The following PTH2R variants were observed in gnomAD, a reference collection of about 807,000 sequenced individuals.
PTH2R encodes the protein parathyroid hormone 2 receptor, also known as PTH2 receptor.
A neutral mutation model predicts 60.3 loss-of-function variants in PTH2R; 59 were observed. The observed-to-expected ratio is 0.98, with a 90% CI of 0.79 to 1.22. The LOEUF (loss-of-function observed/expected upper bound fraction) is 1.22, where lower values mean the gene tolerates loss of function less well. PTH2R is among the 50% of genes most tolerant of loss of function. The pLI is 0.00. For synonymous variants in PTH2R, 256 were observed against 243.8 expected (o/e 1.05, Z -0.47); for missense variants, 749 against 682.6 (o/e 1.10, Z -1.08).
chr2:208,489,453 G>A (rs1703353544), intron 11 of PTH2R, among the ~76,000 whole-genome samples: 2 of 152,086 alleles, frequency 1.3e-5, no homozygotes, highest in Non-Finnish European at 2.9e-5. Flanking sequence ...GAGGACCTCT[G>A]CTTGTGTGTA....
In PTH2R at chr2:208,372,128, G is replaced by A. The variant is rs144003096; in HGVS notation, c.-259+11891G>A. 6.0e-3 allele frequency among the ~76,000 whole-genome samples: 908 copies of A among 152,092 alleles called. 18 individuals carry two copies. The highest frequency in any genetic ancestry group is 0.021 in the African/African-American group (851 of 41,408). ...AGTAGAGATGGGGTTTCACCATGTTGGCCAGACTAGTCTCGAATTCCTAAC... is the reference window on the plus strand; with the variant it reads ...AGTAGAGATGGGGTTTCACCATGTTAGCCAGACTAGTCTCGAATTCCTAAC... On this transcript the variant is annotated intron_variant, in intron 1 of 12. Coordinates refer to the PTH2R transcript ENST00000617735.
At chr2:208,478,680 C>T (rs779050312) in intron 9 of PTH2R, among the ~76,000 whole-genome samples, 6 of 152,158 alleles carry the variant, frequency 3.9e-5, no homozygotes, top group Non-Finnish European at 5.9e-5. Flanking sequence ...ATCAATCCTG[C>T]TCTTAAATTT....
chr2:208,446,634 T>G (rs1341373721), intron 7 of PTH2R, among the ~76,000 whole-genome samples: 3 of 152,208 alleles, frequency 2.0e-5, no homozygotes, highest in Admixed American at 2.0e-4. Context: ...TCTTTGCATT[T>G]CCATTCTTTA....
exon 1 of PTH2R, chr2:208,359,922 G>C (rs1312748849): frequency 4.2e-6 from 1 of 240,568 alleles, no homozygotes; most frequent in African/African-American, 2.3e-5. Flanking sequence ...GGAGGTGGCA[G>C]ATCTGCGGGG....
At chr2:208,423,610 T>C (rs1326291310) in intron 1 of PTH2R, among the ~76,000 whole-genome samples, 1 of 152,218 alleles carries the variant, frequency 6.6e-6, no homozygotes, top group Non-Finnish European at 1.5e-5. Flanking sequence ...TTAGATCCTG[T>C]TGGTTGATGG....
intron 8 of PTH2R, among the ~76,000 whole-genome samples, chr2:208,454,643 C>T (rs566813770): frequency 3.3e-5 from 5 of 152,266 alleles, no homozygotes; most frequent in African/African-American, 9.6e-5. Flanking sequence ...TGCTATCACA[C>T]GTCAAGCAGA....
chr2:208,407,466 T>G (rs906891415), intron 1 of PTH2R, among the ~76,000 whole-genome samples: 8 of 152,226 alleles, frequency 5.3e-5, no homozygotes, highest in African/African-American at 1.9e-4. Context: ...GGTCCCCATT[T>G]AATTAATCGA....
intron 1 of PTH2R, among the ~76,000 whole-genome samples, chr2:208,365,735 TA>T (rs1419406840): frequency 5.4e-5 from 8 of 148,252 alleles, no homozygotes; most frequent in Non-Finnish European, 1.0e-4. Context: ...GGGATTGATG[TA>T]AATTCTTTTT....
At chr2:208,406,409 G>A (rs952564544), upstream of PTH2R, among the ~76,000 whole-genome samples, 2 of 152,156 alleles carry the variant, frequency 1.3e-5, no homozygotes, top group Non-Finnish European at 2.9e-5. Context: ...ATTTTAGAGA[G>A]CTTTAGGACT....
At chr2:208,394,909 C>T (rs188612210) in intron 1 of PTH2R, among the ~76,000 whole-genome samples, 9 of 152,190 alleles carry the variant, frequency 5.9e-5, no homozygotes, top group African/African-American at 9.6e-5. Context: ...CTTAAAGGAA[C>T]GCAGGAACTG....
chr2:208,380,814 C>A (rs1217129011), intron 1 of PTH2R, among the ~76,000 whole-genome samples: 1 of 152,100 alleles, frequency 6.6e-6, no homozygotes, highest in Non-Finnish European at 1.5e-5. Context: ...AGCTGGTAGA[C>A]CTAAGCCACC....
At chr2:208,388,647 T>C (rs1701052718) in intron 1 of PTH2R, among the ~76,000 whole-genome samples, 1 of 152,212 alleles carries the variant, frequency 6.6e-6, no homozygotes, top group Non-Finnish European at 1.5e-5. Context: ...CACAGTGTAA[T>C]AGTGATTACT....
At chr2:208,360,394 T>A (rs924686720) in intron 1 of PTH2R, among the ~76,000 whole-genome samples, 1 of 152,106 alleles carries the variant, frequency 6.6e-6, no homozygotes, top group East Asian at 2.0e-4. Flanking sequence ...GGCAGCGTGC[T>A]CCTCGCAGGT....
At chr2:208,437,922 A>G (rs201277729) in intron 4 of PTH2R, 41 bp downstream of exon 4, 244 of 1,588,740 alleles carry the variant, frequency 1.5e-4, no homozygotes, top group Middle Eastern at 1.0e-3. Context: ...AAGGGAAAGC[A>G]GAATAATATT....
At chr2:208,461,592 GA>G (rs1216507278) in intron 9 of PTH2R, among the ~76,000 whole-genome samples, 8 of 152,006 alleles carry the variant, frequency 5.3e-5, no homozygotes, top group African/African-American at 1.7e-4. Context: ...TTAATATAAT[GA>G]TTATATAATG....
chr2:208,482,799 G>A (rs1368758045), intron 10 of PTH2R, among the ~76,000 whole-genome samples: 1 of 152,000 alleles, frequency 6.6e-6, no homozygotes, highest in African/African-American at 2.4e-5. Context: ...CATATGGACA[G>A]GCACCCCCCA....
At chr2:208,399,661 T>C (rs1559208504) in intron 1 of PTH2R, among the ~76,000 whole-genome samples, 1 of 152,132 alleles carries the variant, frequency 6.6e-6, no homozygotes, top group African/African-American at 2.4e-5. Context: ...CCTGGAAGCT[T>C]GTTCCTGGTT....
chr2:208,483,461 C>T (rs547880646), intron 10 of PTH2R, among the ~76,000 whole-genome samples: 1 of 152,244 alleles, frequency 6.6e-6, no homozygotes, highest in African/African-American at 2.4e-5. Flanking sequence ...ATGACGTGAA[C>T]TAATACTTTT....
intron 1 of PTH2R, among the ~76,000 whole-genome samples, chr2:208,369,981 A>G (rs1700663763): frequency 6.6e-6 from 1 of 152,074 alleles, no homozygotes; most frequent in Non-Finnish European, 1.5e-5. Context: ...CACTATACAG[A>G]CTGGGAAGCC....
Sources: allele counts gnomAD v4.1 joint callset (sites outside exome capture counted in the v4.1 genomes callset), GRCh38; gene constraint gnomAD v4.1.1; transcripts MANE v1.5; gene names NCBI Gene and HGNC (gene_info 2026-07-23, HGNC 2026-07-21).